CARMIL3: variants seen among roughly 807,000 people sequenced by gnomAD.
The protein encoded by CARMIL3 is capping protein regulator and myosin 1 linker 3.
Under a neutral mutation model 180.8 loss-of-function variants are expected in CARMIL3, and 88 were observed. That is an observed-to-expected ratio of 0.49 (90% CI 0.41 to 0.58). The LOEUF (loss-of-function observed/expected upper bound fraction) is 0.58. Among genes scored for constraint, CARMIL3 ranks in the 20% least tolerant of loss-of-function variants. The probability of loss-of-function intolerance (pLI) is 0.00; values close to 1 mark genes in which losing one functional copy is unlikely to be tolerated. For missense variants in CARMIL3, 1,548 were observed against 1,787.0 expected (o/e 0.87, Z 2.41); for synonymous variants, 696 against 714.5 (o/e 0.97, Z 0.41).
At chr14:24,053,423 C>T (rs894124691) in intron 1 of CARMIL3, among the ~76,000 whole-genome samples, 1 of 152,206 alleles carries the variant, frequency 6.6e-6, no homozygotes, top group Admixed American at 6.5e-5. Flanking sequence ...GTGTGAGACA[C>T]ACCCTCCCAC....
rs1457626455 is a variant in CARMIL3, at chr14:24,054,890, C to G, written c.460+82C>G. The G allele has an allele frequency of 2.5e-5, 37 of 1,486,868 alleles. No individual in the cohort carries two copies. Among genetic ancestry groups the G allele is most frequent in the Non-Finnish European group, 3.2e-5 (35 of 1,078,914 alleles). 92.1% of individuals were successfully genotyped at this position (1,486,868 alleles called of 1,614,324 possible). A position where few individuals can be genotyped will look rare whatever the true frequency, so the allele number is the denominator to read the frequency against. Reference sequence around the variant, plus strand: ...GAGCCCTTTGTGCACAGGGTGTTGCCTGGGCGGGCGGGCTTTGCCTGCCTG... The same window carrying G: ...GAGCCCTTTGTGCACAGGGTGTTGCGTGGGCGGGCGGGCTTTGCCTGCCTG... On this transcript the variant is annotated intron_variant, in intron 6 of 39. Coordinates refer to ENST00000342740, the MANE Select transcript of CARMIL3 (RefSeq NM_138360.4). This position sits in a 1 kb window ranked among gnomAD's most constrained non-coding sequence, Gnocchi z 5.1.
rs2035724187 is a variant in CARMIL3, at chr14:24,060,709, C to A, written c.2143C>A (p.Leu715Ile). The A allele has an allele frequency of 6.2e-7, 1 of 1,613,972 alleles. No individual in the cohort carries two copies. The highest frequency in any genetic ancestry group is 8.5e-7 in the Non-Finnish European group (1 of 1,180,016). The change falls in exon 25 of 40, where the codon CTA (leucine) becomes ATA (isoleucine). Residue 715 changes from leucine (L) to isoleucine (I), a missense_variant. Physicochemically the swap from Leu to Ile is conservative, Grantham distance 5 (BLOSUM62 2). Around this residue, in one of 4 missense-constraint regions of CARMIL3, gnomAD observed 297 missense variants for 415.9 expected, o/e 0.71. Coordinates refer to ENST00000342740, the MANE Select transcript of CARMIL3 (RefSeq NM_138360.4). Reference sequence around the variant, plus strand: ...CCCCCTGGAGCCTGTGCAGGATGAGCTACTCTACGCTCGGGACCTCATCAA... The same window carrying A: ...CCCCCTGGAGCCTGTGCAGGATGAGATACTCTACGCTCGGGACCTCATCAA... ...LCPLEPVQDE[L>I]LYARDLIKDA...
chr14:24,063,822 A>G (rs2035757147), intron 31 of CARMIL3, among the ~76,000 whole-genome samples: 1 of 152,170 alleles, frequency 6.6e-6, no homozygotes, highest in African/African-American at 2.4e-5. Flanking sequence ...TGAGCTGGGC[A>G]TGGTGGCTCA....
In CARMIL3 at chr14:24,069,214, G is replaced by T; in HGVS notation, c.4060G>T (p.Glu1354Ter). Residue 1354 changes from glutamate to a stop codon, truncating the protein, a stop_gained, in exon 39 of 40, where the codon GAA (glutamate) becomes TAA (stop). Coordinates refer to ENST00000342740, the MANE Select transcript of CARMIL3 (RefSeq NM_138360.4). LOFTEE classifies it high-confidence loss of function. ...GCGGGCACAGTCCTGTGACAAGCTGGAACCTGATAGAAGACGGCCTCCTGA... is the reference window on the plus strand; with the variant it reads ...GCGGGCACAGTCCTGTGACAAGCTGTAACCTGATAGAAGACGGCCTCCTGA... ...TRRAQSCDKLEPDRRRPPDPT... is the reference protein window; with the variant it reads ...TRRAQSCDKL The T allele has an allele frequency of 6.2e-7, 1 of 1,614,068 alleles. No homozygotes were observed. Among genetic ancestry groups the T allele is most frequent in the Non-Finnish European group, 8.5e-7 (1 of 1,180,008 alleles).
chr14:24,054,381 C>T lies in CARMIL3; in HGVS notation c.247-15C>T. 6.2e-7 allele frequency: 1 copy of T among 1,614,084 alleles called. No homozygotes were observed. Among genetic ancestry groups the T allele is most frequent in the East Asian group, 2.2e-5 (1 of 44,876 alleles). Reference sequence around the variant, plus strand: ...GAGGAGGGAGTCTGAGGCTCTGACGCTTCGTCTCCCCCAGATCCTGGTGGA... The same window carrying T: ...GAGGAGGGAGTCTGAGGCTCTGACGTTTCGTCTCCCCCAGATCCTGGTGGA... On this transcript the variant is annotated splice_polypyrimidine_tract_variant and intron_variant, in intron 4 of 39. Coordinates refer to ENST00000342740, the MANE Select transcript of CARMIL3 (RefSeq NM_138360.4). This position sits in a 1 kb window ranked among gnomAD's most constrained non-coding sequence, Gnocchi z 5.1.
chr14:24,063,528 C>T lies in CARMIL3; in HGVS notation c.2974C>T (p.Pro992Ser). 1.9e-6 allele frequency: 3 copies of T among 1,609,508 alleles called. No homozygotes were observed. The highest frequency in any genetic ancestry group is 2.5e-6 in the Non-Finnish European group (3 of 1,178,732). The change falls in exon 31 of 40, where the codon CCC becomes TCC. Residue 992 changes from proline (P) to serine (S), a missense_variant. By Grantham distance (74) the Pro-to-Ser change is moderately conservative (BLOSUM62 -1). Around this residue, in one of 4 missense-constraint regions of CARMIL3, gnomAD observed 668 missense variants for 687.8 expected, o/e 0.97. Coordinates refer to ENST00000342740, the MANE Select transcript of CARMIL3 (RefSeq NM_138360.4). ...PRTTPPGPGRPSMPAPGTRQE... is the reference protein window; with the variant it reads ...PRTTPPGPGRSSMPAPGTRQE... ...GACCACACCTCCAGGACCTGGTCGA[C>T]CCAGTGTGAGTCCCTAAGGCTTCAC...
Position 24,059,240 on chromosome 14 carries a change from A to G in CARMIL3, c.1627-30A>G. ...CCTGCAGTCGGAGGAGGCTGTGGGG[A>G]CTGGGTCCAACCGCCCCTTGCCCAC... On this transcript the variant is annotated intron_variant, in intron 20 of 39. Transcript: ENST00000342740. The surrounding 1 kb of genome is among the most constrained non-coding windows in gnomAD (Gnocchi z 6.3). 1 of 1,613,636 alleles carries G rather than the reference A, an allele frequency of 6.2e-7. No individual in the cohort carries two copies. The highest frequency in any genetic ancestry group is 8.5e-7 in the Non-Finnish European group (1 of 1,179,918).
chr14:24,063,230 C>A lies in CARMIL3; in HGVS notation c.2770+47C>A, dbSNP rs1349013306. ...CTCATGGACTCCAGACTCCCGCCCT[C>A]TGTAGCCCCTCTTTCCCTTGATTTT... On this transcript the variant is annotated intron_variant, in intron 30 of 39. Transcript: ENST00000342740. The A allele has an allele frequency of 2.5e-6, 4 of 1,599,178 alleles. No individual in the cohort carries two copies. In the East Asian group the frequency reaches 9.0e-5, roughly 36 times the overall value.
In CARMIL3 at chr14:24,059,488, C is replaced by T; in HGVS notation, c.1799+46C>T. 1 of 1,544,500 alleles carries T rather than the reference C, an allele frequency of 6.5e-7. No individual in the cohort carries two copies. Among genetic ancestry groups the T allele is most frequent in the Non-Finnish European group, 8.8e-7 (1 of 1,141,826 alleles). ...CCCTGACCTGGAGCCCCAGCCCCTC[C>T]CCATATGTACATAATCTCCCTGCTT... On this transcript the variant is annotated intron_variant, in intron 21 of 39. Transcript: ENST00000342740. This position sits in a 1 kb window ranked among gnomAD's most constrained non-coding sequence, Gnocchi z 6.3.
intron 33 of CARMIL3, 48 bp downstream of exon 33, chr14:24,065,321 C>T: frequency 5.6e-6 from 8 of 1,438,140 alleles, no homozygotes; most frequent in Non-Finnish European, 7.4e-6. Context: ...CTGCCCCACA[C>T]TTAACCCAGT....
intron 36 of CARMIL3, among the ~76,000 whole-genome samples, 175 bp downstream of exon 36, chr14:24,066,831 C>A (rs1468184166): frequency 6.6e-6 from 1 of 152,240 alleles, no homozygotes; most frequent in African/African-American, 2.4e-5. Context: ...AGACAAACAA[C>A]CCAATCCAAA....
rs1256856419 is a variant in CARMIL3, at chr14:24,054,822, G to A, written c.460+14G>A. On this transcript the variant is annotated intron_variant, in intron 6 of 39. Transcript: ENST00000342740. This position sits in a 1 kb window ranked among gnomAD's most constrained non-coding sequence, Gnocchi z 5.1. ...ACAGTGTCTGCGGTGAGCAGGGGCA[G>A]ATGTGAGGAAAGTAGGCGCTCCACC... The A allele has an allele frequency of 6.2e-7, 1 of 1,609,588 alleles. No homozygotes were observed. The highest frequency in any genetic ancestry group is 8.5e-7 in the Non-Finnish European group (1 of 1,176,476).
chr14:24,056,714 C>T lies in CARMIL3; in HGVS notation c.952+6C>T, dbSNP rs755274341. ...GACTGCCATTTCCCCTCGAGGTACT[C>T]GCACCAAGGACCCCTGACCTCTGAC... On this transcript the variant is annotated splice_donor_region_variant and intron_variant, in intron 12 of 39. Coordinates refer to ENST00000342740, the MANE Select transcript of CARMIL3 (RefSeq NM_138360.4). 6.8e-6 allele frequency: 11 copies of T among 1,612,232 alleles called. No homozygotes were observed. The highest frequency in any genetic ancestry group is 8.5e-6 in the Non-Finnish European group (10 of 1,179,844).
intron 38 of CARMIL3, 34 bp downstream of exon 38, chr14:24,069,000 C>T (rs756310553): frequency 1.9e-6 from 3 of 1,540,874 alleles, no homozygotes; most frequent in African/African-American, 2.7e-5. Flanking sequence ...GGGCTCAGGG[C>T]ACCTCTAGGA....
chr14:24,053,062 G>GCACA lies in CARMIL3; in HGVS notation c.41-631_41-628dup, dbSNP rs35652143. On this transcript the variant is annotated intron_variant, in intron 1 of 39. Coordinates refer to ENST00000342740, the MANE Select transcript of CARMIL3 (RefSeq NM_138360.4). ...AGATGGCACCCCAGCACACGCGCGT[G>GCACA]CACACACACACACACACACTATATC... Among the ~76,000 whole-genome samples the GCACA allele has an allele frequency of 5.1e-4, 77 of 150,146 alleles. 1 individual carries two copies. The highest frequency in any genetic ancestry group is 3.4e-3 in the Middle Eastern group (1 of 294).
In CARMIL3 at chr14:24,068,575, C is replaced by T. The variant is rs2035816993; in HGVS notation, c.3683-9C>T. On this transcript the variant is annotated splice_polypyrimidine_tract_variant and intron_variant, in intron 36 of 39. Coordinates refer to ENST00000342740, the MANE Select transcript of CARMIL3 (RefSeq NM_138360.4). ...TTTTCCTGCAGCTTCTCCTCTCTCTCATCCCCAGCTGAAGAGAGTGCCCCC... is the reference window on the plus strand; with the variant it reads ...TTTTCCTGCAGCTTCTCCTCTCTCTTATCCCCAGCTGAAGAGAGTGCCCCC... 1.3e-5 allele frequency: 21 copies of T among 1,599,150 alleles called. No individual in the cohort carries two copies. The highest frequency in any genetic ancestry group is 1.7e-5 in the Non-Finnish European group (20 of 1,169,918).
chr14:24,059,722 G>A lies in CARMIL3; in HGVS notation c.1858G>A (p.Ala620Thr). 1 of 1,614,096 alleles carries A rather than the reference G, an allele frequency of 6.2e-7. No homozygotes were observed. Among genetic ancestry groups the A allele is most frequent in the Non-Finnish European group, 8.5e-7 (1 of 1,179,994 alleles). ...CCTGGGCTTCCTGGACATCGCAAGG[G>A]CCCTGGAGAGGTGAGTAGACCATGG... Reference protein sequence around the residue: ...SALGFLDIARALESNHTLRFM... With the variant: ...SALGFLDIARTLESNHTLRFM... The change falls in exon 22 of 40, where the codon GCC becomes ACC. Residue 620 changes from alanine (A) to threonine (T), a missense_variant. Around this residue, in one of 4 missense-constraint regions of CARMIL3, gnomAD observed 297 missense variants for 415.9 expected, o/e 0.71. Transcript: ENST00000342740. This position sits in a 1 kb window ranked among gnomAD's most constrained non-coding sequence, Gnocchi z 6.3.
rs779771797 is a variant in CARMIL3 at position 24,055,536 on chromosome 14, C to T, written c.606-7C>T. On this transcript the variant is annotated splice_polypyrimidine_tract_variant and splice_region_variant and intron_variant, in intron 8 of 39. Transcript: ENST00000342740. ...CCACTTTCCTGCCCCCTTCCATATC[C>T]CCACAGAGACTTGGCCCTAATGGTA... The T allele has an allele frequency of 1.8e-5, 29 of 1,614,004 alleles. No individual in the cohort carries two copies. Among genetic ancestry groups the T allele is most frequent in the Non-Finnish European group, 2.5e-5 (29 of 1,179,992 alleles).
At chr14:24,052,234 G>C in intron 1 of CARMIL3, 41 bp downstream of exon 1, 1 of 1,552,528 alleles carries the variant, frequency 6.4e-7, no homozygotes, top group Non-Finnish European at 8.7e-7. Flanking sequence ...CCGTCCGGGA[G>C]CATCCCAGAC....
Sources: gnomAD v4.1 joint callset for allele counts (sites outside exome capture counted in the v4.1 genomes callset) on GRCh38, gnomAD v4.1.1 for gene constraint, gnomAD v4.1.1 regional missense constraint, Gnocchi (gnomAD v3.1) non-coding constraint, MANE v1.5 for transcripts, NCBI Gene and HGNC (gene_info 2026-07-23, HGNC 2026-07-21) for gene names.